The following ARFGAP3 variants were observed in gnomAD, a reference collection of about 807,000 sequenced individuals.
ARFGAP3 encodes ARF GTPase activating protein 3.
ARFGAP3 carries 72 observed loss-of-function variants against 75.0 expected under a neutral mutation model. That is an observed-to-expected ratio of 0.96 (90% CI 0.79 to 1.17). The LOEUF (loss-of-function observed/expected upper bound fraction) is 1.17. Ranked by LOEUF, ARFGAP3 falls within the 50% of genes most tolerant of loss-of-function variation. The pLI is 0.00. For missense variants in ARFGAP3, 620 were observed against 626.6 expected, an observed-to-expected ratio of 0.99 and a Z score of 0.11; for synonymous variants, 221 against 217.9, an observed-to-expected ratio of 1.01 and a Z score of -0.13.
intron 8 of ARFGAP3, among the ~76,000 whole-genome samples, chr22:42,822,705 T>C (rs1925865558): frequency 1.3e-5 from 2 of 152,230 alleles, no homozygotes; most frequent in African/African-American, 2.4e-5. Context: ...CTTTCAATCA[T>C]CTCTAGATTA....
intron 2 of ARFGAP3, among the ~76,000 whole-genome samples, chr22:42,842,927 G>A (rs987620505): frequency 7.9e-5 from 12 of 152,074 alleles, no homozygotes; most frequent in African/African-American, 2.9e-4. Context: ...CTCACTATGT[G>A]CCAGGCTGTA....
At position 42,801,212 on chromosome 22, in the gene ARFGAP3, GA is replaced by G. The variant is rs1380029620; in HGVS notation, c.1412-2053del. Among the ~76,000 whole-genome samples, 4 of 152,334 alleles carry G rather than the reference GA, an allele frequency of 2.6e-5. No individual in the cohort carries two copies. The East Asian group carries it at 7.7e-4, about 29-fold the overall frequency. Reference sequence around the variant, plus strand: ...GCAGGTGTCAAGAGGCACACTGACTGACTGGCCTAGGCAGGCTGAGAGGCAG... The same window carrying G: ...GCAGGTGTCAAGAGGCACACTGACTGCTGGCCTAGGCAGGCTGAGAGGCAG... On this transcript the variant is annotated intron_variant, in intron 14 of 15. Transcript: ENST00000263245.
intron 2 of ARFGAP3, among the ~76,000 whole-genome samples, chr22:42,845,155 G>T (rs1569170249): frequency 6.6e-6 from 1 of 152,210 alleles, no homozygotes; most frequent in East Asian, 1.9e-4. Context: ...AAGTAACTAG[G>T]TATTGCCTTG....
chr22:42,811,795 G>C (rs938989418), intron 11 of ARFGAP3, among the ~76,000 whole-genome samples: 18 of 152,176 alleles, frequency 1.2e-4, no homozygotes, highest in African/African-American at 4.1e-4. Context: ...TGTGATTAGA[G>C]AAAAATCTTT....
rs1924734073 is a variant in ARFGAP3, at chr22:42,799,072, GGAGAGTTTTCCAGCAACC to G, written c.1482_1499del (p.Ala496_Val501del). On this transcript the variant is annotated inframe_deletion, in exon 15 of 16. Coordinates refer to ENST00000263245, the MANE Select transcript of ARFGAP3 (RefSeq NM_014570.5). ...AAGTCACGACTCCATTAGCAAAGACGGAGAGTTTTCCAGCAACCGATCTCACTCCCTGCTTGAACTGCG... is the reference window on the plus strand; with the variant it reads ...AAGTCACGACTCCATTAGCAAAGACGGATCTCACTCCCTGCTTGAACTGCG... 6.2e-7 allele frequency: 1 copy of G among 1,614,040 alleles called. No individual in the cohort carries two copies. Among genetic ancestry groups the G allele is most frequent in the South Asian group, 1.1e-5 (1 of 91,092 alleles).
chr22:42,832,642 G>C (rs539869837), intron 5 of ARFGAP3, among the ~76,000 whole-genome samples: 2 of 152,268 alleles, frequency 1.3e-5, no homozygotes, highest in South Asian at 4.1e-4. Context: ...AGAGTAGCTG[G>C]CAGAACATAT....
intron 10 of ARFGAP3, 105 bp from the exon 11 acceptor site, chr22:42,817,369 G>A (rs967493552): frequency 3.2e-5 from 46 of 1,438,500 alleles, no homozygotes; most frequent in Non-Finnish European, 3.9e-5. Context: ...AAATGTATTC[G>A]AGGGGTTAAA....
intron 7 of ARFGAP3, among the ~76,000 whole-genome samples, chr22:42,824,992 T>A (rs752758172): frequency 6.6e-6 from 1 of 152,246 alleles, no homozygotes; most frequent in African/African-American, 2.4e-5. Flanking sequence ...CCTCCAGCCA[T>A]GTTGCTGCAA....
rs56704799 is a variant in ARFGAP3, at chr22:42,834,922, C to G, written c.393+440G>C. Among the ~76,000 whole-genome samples the G allele has an allele frequency of 6.4e-3, 970 of 152,268 alleles. 11 individuals are homozygous for G. Among genetic ancestry groups the G allele is most frequent in the African/African-American group, 0.022 (924 of 41,540 alleles). Reference sequence around the variant, plus strand: ...CTCAAGTGCAGTACTGAAGGGCTATCTAATGTTCTGAAGCACATGAAGGCT... The same window carrying G: ...CTCAAGTGCAGTACTGAAGGGCTATGTAATGTTCTGAAGCACATGAAGGCT... On this transcript the variant is annotated intron_variant, in intron 4 of 15. Transcript: ENST00000263245.
chr22:42,835,435 C>T lies in ARFGAP3; in HGVS notation c.320G>A (p.Ser107Asn). The change falls in exon 4 of 16, where the codon AGT (serine) becomes AAT (asparagine). Residue 107 changes from serine to asparagine, a missense_variant. Ser to Asn is a conservative substitution (Grantham distance 46). Coordinates refer to ENST00000263245, the MANE Select transcript of ARFGAP3 (RefSeq NM_014570.5). ...CTCCCTATAGAGCTGAGCAGCACGA[C>T]TGTTGTACTTGGCATTGGTGTCATT... ...STNDTNAKYNSRAAQLYREKI... is the reference protein window; with the variant it reads ...STNDTNAKYNNRAAQLYREKI... 1.9e-6 allele frequency: 3 copies of T among 1,614,184 alleles called. No individual in the cohort carries two copies.
chr22:42,810,470 A>G (rs1925316213), intron 12 of ARFGAP3, among the ~76,000 whole-genome samples: 1 of 152,148 alleles, frequency 6.6e-6, no homozygotes, highest in African/African-American at 2.4e-5. Flanking sequence ...TCTCAAAAAT[A>G]AAACAAAACA....
chr22:42,810,396 G>A (rs1171840519), intron 12 of ARFGAP3, among the ~76,000 whole-genome samples: 6 of 152,042 alleles, frequency 3.9e-5, no homozygotes, highest in East Asian at 1.9e-4. Context: ...CCTGGGAGAC[G>A]GAGGCTGCAG....
chr22:42,835,254 C>T, intron 4 of ARFGAP3, 108 bp downstream of exon 4: 3 of 1,318,832 alleles, frequency 2.3e-6, no homozygotes, highest in Non-Finnish European at 3.1e-6. Context: ...ACACTAATTC[C>T]TTGTAAGACA....
At chr22:42,847,774 C>T in intron 1 of ARFGAP3, 142 bp from the exon 2 acceptor site, 1 of 981,032 alleles carries the variant, frequency 1.0e-6, no homozygotes, top group Non-Finnish European at 1.3e-6. Context: ...AAATATCTCA[C>T]CTAGGTTTTT....
At chr22:42,799,513 G>A (rs1477390494) in intron 14 of ARFGAP3, among the ~76,000 whole-genome samples, 1 of 152,196 alleles carries the variant, frequency 6.6e-6, no homozygotes, top group East Asian at 1.9e-4. Flanking sequence ...CCCAGCAAAA[G>A]GCAGATGGGC....
chr22:42,831,757 AAAGG>A, intron 5 of ARFGAP3, 121 bp from the exon 6 acceptor site: 2 of 1,505,826 alleles, frequency 1.3e-6, no homozygotes, highest in Non-Finnish European at 1.8e-6. Context: ...CTGTTAATGG[AAAGG>A]AAGGCATATC....
rs145015485 is a variant in ARFGAP3, at chr22:42,799,188, A to T, written c.1412-28T>A. The T allele has an allele frequency of 2.0e-5, 32 of 1,611,146 alleles. No homozygotes were observed. The African/African-American group carries it at 3.6e-4, about 18-fold the overall frequency. On this transcript the variant is annotated intron_variant, in intron 14 of 15. Transcript: ENST00000263245. Reference sequence around the variant, plus strand: ...GCACACACACAGCAGACACTGTCTCATCACTGCCCTGGCCACAGCTGCGGC... The same window carrying T: ...GCACACACACAGCAGACACTGTCTCTTCACTGCCCTGGCCACAGCTGCGGC...
At chr22:42,822,178 C>A (rs949605779) in intron 9 of ARFGAP3, 92 bp downstream of exon 9, 31 of 1,047,478 alleles carry the variant, frequency 3.0e-5, no homozygotes, top group Middle Eastern at 2.7e-4. Context: ...CCTTCCCCCC[C>A]CACACAAAAA....
intron 11 of ARFGAP3, among the ~76,000 whole-genome samples, chr22:42,812,956 T>C (rs1413012966): frequency 6.6e-6 from 1 of 152,232 alleles, no homozygotes; most frequent in African/African-American, 2.4e-5. Flanking sequence ...ACCGATCCCC[T>C]TTCAGAGAAG....
Sources: gnomAD v4.1 joint callset for allele counts (sites outside exome capture counted in the v4.1 genomes callset) on GRCh38, gnomAD v4.1.1 for gene constraint, MANE v1.5 for transcripts, NCBI Gene and HGNC (gene_info 2026-07-23, HGNC 2026-07-21) for gene names.